MYRIP: variants seen among roughly 807,000 people sequenced by gnomAD.
MYRIP encodes myosin VIIA and Rab interacting protein, also known as rab effector MyRIP.
Under a neutral mutation model 98.0 loss-of-function variants are expected in MYRIP, and 49 were observed. The observed-to-expected ratio is 0.50, with a 90% CI of 0.40 to 0.63. The LOEUF is 0.63. MYRIP is among the 30% of genes least tolerant of loss of function. The pLI is 0.00. For synonymous variants in MYRIP, 404 were observed against 409.5 expected (o/e 0.99, Z 0.16); for missense variants, 1,004 against 1,058.2 (o/e 0.95, Z 0.71).
chr3:39,822,455 AT>A (rs367849683), intron 1 of MYRIP, among the ~76,000 whole-genome samples: 5,800 of 150,246 alleles, frequency 0.039, 213 homozygotes, highest in East Asian at 0.1. Flanking sequence ...ACATTATGAG[AT>A]TTTTTTTTGC....
At chr3:39,968,807 CT>C (rs1945507047) in intron 2 of MYRIP, among the ~76,000 whole-genome samples, 2 of 152,084 alleles carry the variant, frequency 1.3e-5, no homozygotes, top group African/African-American at 4.8e-5. Context: ...GCTATTCAGG[CT>C]CTTTTTTTGG....
intron 1 of MYRIP, among the ~76,000 whole-genome samples, chr3:39,862,133 C>T (rs1240164912): frequency 6.6e-6 from 1 of 152,214 alleles, no homozygotes; most frequent in Non-Finnish European, 1.5e-5. Flanking sequence ...ATCAGGCTAA[C>T]AGTGGACATT....
At chr3:39,874,745 G>A (rs1379217366) in intron 1 of MYRIP, among the ~76,000 whole-genome samples, 1 of 152,192 alleles carries the variant, frequency 6.6e-6, no homozygotes, top group Non-Finnish European at 1.5e-5. Flanking sequence ...CGGTTTACCA[G>A]TATTTTATTG....
At chr3:39,914,758 T>C (rs984069927) in intron 2 of MYRIP, among the ~76,000 whole-genome samples, 5 of 152,122 alleles carry the variant, frequency 3.3e-5, no homozygotes, top group Non-Finnish European at 5.9e-5. Flanking sequence ...TTTGTAAACC[T>C]ACATATATGA....
intron 10 of MYRIP, among the ~76,000 whole-genome samples, chr3:40,202,189 G>A (rs1951585631): frequency 6.6e-6 from 1 of 152,132 alleles, no homozygotes; most frequent in South Asian, 2.1e-4. Context: ...CAGGACATAA[G>A]GATATATTCA....
chr3:40,167,201 G>A lies in MYRIP; in HGVS notation c.691G>A (p.Glu231Lys), dbSNP rs754241715. ...EASYLRDHKE[E>K]LTEELATTIL... ...CAGTTACCTGCGGGACCACAAGGAG[G>A]AGCTAACTGAGGAACTGGCCACGAC... is the stretch of plus-strand genomic sequence containing the variant. The change falls in exon 7 of 17, where the codon GAG becomes AAG. Residue 231 changes from glutamate to lysine, a missense_variant. Physicochemically the swap from Glu to Lys is moderately conservative, Grantham distance 56. This residue lies in a region of MYRIP where 880 missense variants were observed against 907.7 expected (regional missense o/e 0.97). Transcript: ENST00000302541. 1.6e-5 allele frequency: 26 copies of A among 1,614,084 alleles called. No individual in the cohort carries two copies. Among genetic ancestry groups the A allele is most frequent in the Non-Finnish European group, 2.1e-5 (25 of 1,180,046 alleles).
intron 3 of MYRIP, among the ~76,000 whole-genome samples, chr3:40,064,107 A>T (rs1319309210): frequency 6.6e-6 from 1 of 152,154 alleles, no homozygotes; most frequent in Non-Finnish European, 1.5e-5. Context: ...CTGCAAGCAG[A>T]GAGTAGATGG....
chr3:39,928,545 A>C (rs1944469944), intron 2 of MYRIP, among the ~76,000 whole-genome samples: 1 of 151,930 alleles, frequency 6.6e-6, no homozygotes, highest in Non-Finnish European at 1.5e-5. Flanking sequence ...CAATCAATGT[A>C]ATTCATATTA....
In MYRIP at chr3:40,034,641, C is replaced by A. The variant is rs1443611685; in HGVS notation, c.111-9409C>A. ...CTGTTGGTGGGACTGTAAACTAGTT[C>A]AACCATTGTGGAAGTGGGTGTGGTG... is the stretch of plus-strand genomic sequence containing the variant. On this transcript the variant is annotated intron_variant, in intron 2 of 16. Transcript: ENST00000302541. 1.3e-5 allele frequency among the ~76,000 whole-genome samples: 2 copies of A among 149,620 alleles called. 1 individual carries two copies. The highest frequency in any genetic ancestry group is 1.3e-4 in the Admixed American group (2 of 15,116).
chr3:39,890,060 A>G (rs1452930448), intron 1 of MYRIP, among the ~76,000 whole-genome samples: 2 of 151,932 alleles, frequency 1.3e-5, no homozygotes, highest in Non-Finnish European at 2.9e-5. Context: ...AAATTTTTCT[A>G]TTTTTGTTTA....
chr3:40,121,455 T>C (rs183651605), intron 3 of MYRIP, among the ~76,000 whole-genome samples: 2 of 152,212 alleles, frequency 1.3e-5, no homozygotes, highest in East Asian at 3.9e-4. Flanking sequence ...GTGGATTTTT[T>C]TTTTCACTCT....
chr3:39,868,618 C>T (rs542884938), intron 1 of MYRIP, among the ~76,000 whole-genome samples: 1 of 152,176 alleles, frequency 6.6e-6, no homozygotes, highest in African/African-American at 2.4e-5. Flanking sequence ...TCTTTTATTT[C>T]CTGTATTCTG....
In MYRIP at chr3:40,141,762, C is replaced by A. The variant is rs192546076; in HGVS notation, c.333-9286C>A. The stretch of plus-strand genomic sequence containing the variant: ...CAAAAATCAGTTAGCTGTAAATATG[C>A]GGCTTAATTTGGGGGTTTTCTACTC... On this transcript the variant is annotated intron_variant, in intron 3 of 16. Transcript: ENST00000302541. Among the ~76,000 whole-genome samples the A allele has an allele frequency of 2.6e-5, 4 of 152,218 alleles. No individual in the cohort carries two copies. The East Asian group carries it at 5.8e-4, about 22-fold the overall frequency.
chr3:40,030,873 T>G (rs1161048384), intron 2 of MYRIP, among the ~76,000 whole-genome samples: 1 of 152,106 alleles, frequency 6.6e-6, no homozygotes, highest in Non-Finnish European at 1.5e-5. Context: ...GCGATGAAAA[T>G]GTTACGGAGT....
intron 3 of MYRIP, among the ~76,000 whole-genome samples, chr3:40,115,781 C>T (rs1949260698): frequency 1.3e-5 from 2 of 151,904 alleles, no homozygotes; most frequent in Non-Finnish European, 2.9e-5. Context: ...TTCCCAGTCC[C>T]TGGTTCACAG....
chr3:40,252,223 C>T (rs925042160), intron 16 of MYRIP, among the ~76,000 whole-genome samples: 3 of 152,094 alleles, frequency 2.0e-5, no homozygotes, highest in African/African-American at 7.2e-5. Flanking sequence ...CGCCGGTCAC[C>T]CTCCTCAACT....
intron 1 of MYRIP, among the ~76,000 whole-genome samples, chr3:39,886,171 A>C (rs1332250650): frequency 2.9e-4 from 44 of 152,030 alleles, no homozygotes; most frequent in African/African-American, 1.0e-3. Flanking sequence ...CCTGCCCTAA[A>C]AGAGCTCCTG....
At chr3:39,973,681 AGAG>A (rs1945662269) in intron 2 of MYRIP, among the ~76,000 whole-genome samples, 1 of 129,256 alleles carries the variant, frequency 7.7e-6, no homozygotes, top group African/African-American at 3.6e-5. Context: ...ATGTAAAAGA[AGAG>A]AAATTATAAC....
intron 2 of MYRIP, among the ~76,000 whole-genome samples, chr3:40,013,793 T>C (rs1271785763): frequency 6.6e-6 from 1 of 152,254 alleles, no homozygotes; most frequent in Non-Finnish European, 1.5e-5. Context: ...AAAAGTTCTT[T>C]GTGCCTGTGG....
Sources: gnomAD v4.1 joint callset for allele counts (sites outside exome capture counted in the v4.1 genomes callset) on GRCh38, gnomAD v4.1.1 for gene constraint, gnomAD v4.1.1 regional missense constraint, MANE v1.5 for transcripts, NCBI Gene and HGNC (gene_info 2026-07-23, HGNC 2026-07-21) for gene names.